The following PRKG1 variants were observed in gnomAD, a reference collection of about 807,000 sequenced individuals.
PRKG1 encodes the protein protein kinase cGMP-dependent 1, also known as cGMP-dependent protein kinase 1.
A neutral mutation model predicts 88.1 loss-of-function variants in PRKG1; 35 were observed. The ratio of observed to expected loss-of-function variants is 0.40; its 90% CI spans 0.30 to 0.53. The LOEUF (loss-of-function observed/expected upper bound fraction) is 0.53. PRKG1 is among the 20% of genes least tolerant of loss of function. PRKG1 has a pLI of 0.59. For missense variants in PRKG1, 540 were observed against 839.8 expected (o/e 0.64, Z 4.41); for synonymous variants, 303 against 292.5 (o/e 1.04, Z -0.37).
intron 4 of PRKG1, among the ~76,000 whole-genome samples, chr10:51,823,758 A>G (rs1839810257): frequency 6.6e-6 from 1 of 151,770 alleles, no homozygotes; most frequent in Non-Finnish European, 1.5e-5. Context: ...CTATGGTAGT[A>G]TTCCATAGAA....
At chr10:51,040,639 G>GT (rs1843409098) in intron 1 of PRKG1, among the ~76,000 whole-genome samples, 1 of 151,798 alleles carries the variant, frequency 6.6e-6, no homozygotes. Context: ...TTTCATCAGC[G>GT]TTTTTTAATT....
chr10:51,396,651 C>A (rs1016424395), intron 2 of PRKG1, among the ~76,000 whole-genome samples: 6 of 152,162 alleles, frequency 3.9e-5, no homozygotes, highest in African/African-American at 1.4e-4. Flanking sequence ...TTACCTTCAC[C>A]AAGGAGCTCC....
intron 4 of PRKG1, among the ~76,000 whole-genome samples, chr10:51,831,277 G>T (rs1839999885): frequency 2.0e-5 from 3 of 151,516 alleles, no homozygotes; most frequent in Non-Finnish European, 2.9e-5. Flanking sequence ...ATTTTTTTCT[G>T]ATAGCAGAAT....
chr10:51,955,659 G>A (rs11000271), intron 5 of PRKG1, among the ~76,000 whole-genome samples: 54,100 of 151,814 alleles, frequency 0.36, 10,150 homozygotes, highest in East Asian at 0.65. Flanking sequence ...TCTGGAAATC[G>A]TTAGTCCAAT....
intron 2 of PRKG1, among the ~76,000 whole-genome samples, chr10:51,205,441 A>T (rs1331277490): frequency 6.7e-6 from 1 of 149,332 alleles, no homozygotes; most frequent in Non-Finnish European, 1.5e-5. Context: ...CCACCTTGGG[A>T]ATTTTCATTT....
At chr10:51,212,163 A>G (rs969207826) in intron 2 of PRKG1, among the ~76,000 whole-genome samples, 7 of 152,088 alleles carry the variant, frequency 4.6e-5, no homozygotes, top group African/African-American at 7.2e-5. Flanking sequence ...ATAATGCCGC[A>G]TATCTACAAC....
chr10:51,736,400 G>A (rs1443794736), intron 3 of PRKG1, among the ~76,000 whole-genome samples: 1 of 152,154 alleles, frequency 6.6e-6, no homozygotes, highest in Non-Finnish European at 1.5e-5. Context: ...ACAGGCGTGA[G>A]CCACTGTGCC....
intron 3 of PRKG1, among the ~76,000 whole-genome samples, chr10:51,721,208 C>T (rs2132451165): frequency 8.9e-6 from 1 of 112,216 alleles, no homozygotes; most frequent in African/African-American, 3.8e-5. Context: ...AGAGCAAGAC[C>T]TATTAAAAAA....
intron 1 of PRKG1, among the ~76,000 whole-genome samples, chr10:51,019,566 G>T (rs528012439): frequency 1.3e-5 from 2 of 152,118 alleles, no homozygotes; most frequent in East Asian, 1.9e-4. Context: ...TATGGGGAAA[G>T]CTTCAAAACA....
chr10:51,846,673 T>C (rs569293384), intron 4 of PRKG1, among the ~76,000 whole-genome samples: 1 of 152,274 alleles, frequency 6.6e-6, no homozygotes, highest in African/African-American at 2.4e-5. Flanking sequence ...TGTTAGAAAA[T>C]GTCAATGCCG....
chr10:51,575,584 CT>C (rs1837866341), intron 3 of PRKG1, among the ~76,000 whole-genome samples: 1 of 151,826 alleles, frequency 6.6e-6, no homozygotes, highest in Non-Finnish European at 1.5e-5. Context: ...TGATTAGTTC[CT>C]TTTATCCTTG....
At chr10:52,049,870 A>G (rs983300861) in intron 5 of PRKG1, among the ~76,000 whole-genome samples, 11 of 152,108 alleles carry the variant, frequency 7.2e-5, no homozygotes, top group African/African-American at 2.7e-4. Flanking sequence ...ATGTGTGGTG[A>G]ACAGAACTAG....
chr10:52,201,093 A>T (rs1486273523), intron 9 of PRKG1, among the ~76,000 whole-genome samples: 1 of 152,006 alleles, frequency 6.6e-6, no homozygotes, highest in African/African-American at 2.4e-5. Context: ...TTTTGTTGCA[A>T]TTACTTTTGG....
At chr10:51,069,311 TTTCAA>T (rs1442833400) in intron 1 of PRKG1, among the ~76,000 whole-genome samples, 9 of 152,016 alleles carry the variant, frequency 5.9e-5, no homozygotes, top group African/African-American at 2.2e-4. Flanking sequence ...AGCCAAACTA[TTTCAA>T]TTTTTACTTA....
intron 3 of PRKG1, among the ~76,000 whole-genome samples, chr10:51,627,945 T>TTCCTTCCTTCCTTC (rs1283236723): frequency 2.6e-5 from 2 of 75,582 alleles, no homozygotes; most frequent in Non-Finnish European, 5.4e-5. Flanking sequence ...TTCCTTCCTT[T>TTCCTTCCTTCCTTC]CTTTCTTTCT....
At chr10:51,573,382 A>G (rs764925367) in intron 3 of PRKG1, among the ~76,000 whole-genome samples, 1 of 151,948 alleles carries the variant, frequency 6.6e-6, no homozygotes. Context: ...AAAGATTACT[A>G]TTATTGAACT....
intron 2 of PRKG1, among the ~76,000 whole-genome samples, chr10:51,237,224 C>T (rs1302457283): frequency 6.6e-6 from 1 of 152,154 alleles, no homozygotes; most frequent in African/African-American, 2.4e-5. Context: ...GTATCTTGTT[C>T]TGATTTCATT....
chr10:51,426,239 C>T (rs927975587), intron 2 of PRKG1, among the ~76,000 whole-genome samples: 4 of 152,106 alleles, frequency 2.6e-5, no homozygotes, highest in Non-Finnish European at 4.4e-5. Flanking sequence ...CGAGATCATG[C>T]GACTGTACTC....
At chr10:51,841,408 G>A (rs1840272219) in intron 4 of PRKG1, among the ~76,000 whole-genome samples, 1 of 152,142 alleles carries the variant, frequency 6.6e-6, no homozygotes, top group Admixed American at 6.5e-5. Context: ...GCCTTGTTAG[G>A]ACTAAGCATG....
Sources: gnomAD v4.1 joint callset for allele counts (sites outside exome capture counted in the v4.1 genomes callset) on GRCh38, gnomAD v4.1.1 for gene constraint, MANE v1.5 for transcripts, NCBI Gene and HGNC (gene_info 2026-07-23, HGNC 2026-07-21) for gene names.